Variants in MEOX2 observed in about 807,000 individuals in gnomAD.
MEOX2 encodes mesenchyme homeobox 2.
In MEOX2, 11 loss-of-function variants were observed where a neutral mutation model predicts 27.0. The observed-to-expected ratio is 0.41, with a 90% CI of 0.26 to 0.68. The LOEUF is 0.68. MEOX2 is among the 30% of genes least tolerant of loss of function. The pLI is 0.33. For synonymous variants in MEOX2, 189 were observed against 155.4 expected (o/e 1.22, Z -1.61); for missense variants, 436 against 385.4 (o/e 1.13, Z -1.10).
At chr7:15,680,746 A>T (rs926705766) in intron 1 of MEOX2, 1 of 151,960 alleles carries the variant, frequency 6.6e-6, no homozygotes, top group Non-Finnish European at 1.5e-5. Flanking sequence ...ATGTAGAAAC[A>T]AATTGTGACT....
intron 2 of MEOX2, among the ~76,000 whole-genome samples, chr7:15,622,133 A>T (rs1781231493): frequency 6.6e-6 from 1 of 152,066 alleles, no homozygotes; most frequent in Non-Finnish European, 1.5e-5. Flanking sequence ...CAAACACACA[A>T]ACAAAAGCAA....
At chr7:15,622,929 T>G (rs1781243204) in intron 2 of MEOX2, among the ~76,000 whole-genome samples, 2 of 152,194 alleles carry the variant, frequency 1.3e-5, no homozygotes. Context: ...AGCCATCATA[T>G]CAAGGTAGAA....
chr7:15,632,501 A>T (rs1583752361), intron 1 of MEOX2, among the ~76,000 whole-genome samples: 1 of 152,022 alleles, frequency 6.6e-6, no homozygotes, highest in South Asian at 2.1e-4. Context: ...GTACAAATTC[A>T]CAAAGAACTA....
chr7:15,614,000 TC>T (rs1329618770), intron 2 of MEOX2, among the ~76,000 whole-genome samples: 2 of 151,836 alleles, frequency 1.3e-5, no homozygotes, highest in African/African-American at 4.8e-5. Flanking sequence ...TCTTAGAGTG[TC>T]TTTTGATGAT....
rs1464677938 is a variant in MEOX2 at position 15,685,987 on chromosome 7, G to C, written c.416C>G (p.Pro139Arg). 17 of 1,609,898 alleles carry C rather than the reference G, an allele frequency of 1.1e-5. No homozygotes were observed. In the Admixed American group the frequency reaches 2.5e-4, roughly 24 times the overall value. ...CCCCGGCGCGCACGCGGCCCCAGTC[G>C]GGGTGCTGGAGCCCAAGCTGGAAGA... Reference protein sequence around the residue: ...SNSSSLGSSTPTGAACAPGDY... With the variant: ...SNSSSLGSSTRTGAACAPGDY... The change falls in exon 1 of 3, where the codon CCG becomes CGG. Residue 139 changes from proline (P) to arginine (R), a missense_variant. By Grantham distance (103) the Pro-to-Arg change is moderately radical. Transcript: ENST00000262041.
Position 15,686,670 on chromosome 7 carries a change from A to T in MEOX2, c.-268T>A, listed in dbSNP as rs1428303741. Reference sequence around the variant, plus strand: ...GTTGAAGCCAAAAGAAGGTGGTCCCAGAGAACTGCTTTCAGGGGGAAATGG... The same window carrying T: ...GTTGAAGCCAAAAGAAGGTGGTCCCTGAGAACTGCTTTCAGGGGGAAATGG... On this transcript the variant is annotated 5_prime_UTR_variant, in exon 1 of 3. Coordinates refer to ENST00000262041, the MANE Select transcript of MEOX2 (RefSeq NM_005924.5). 1 of 492,338 alleles carries T rather than the reference A, an allele frequency of 2.0e-6. No homozygotes were observed. Among genetic ancestry groups the T allele is most frequent in the Non-Finnish European group, 3.6e-6 (1 of 279,448 alleles). 30.5% of individuals were successfully genotyped at this position (492,338 alleles called of 1,614,324 possible).
chr7:15,682,199 A>G (rs1182340409), intron 1 of MEOX2, among the ~76,000 whole-genome samples: 4 of 151,792 alleles, frequency 2.6e-5, no homozygotes, highest in African/African-American at 9.7e-5. Flanking sequence ...CCAGTATATT[A>G]TTTTTTAAAT....
intron 1 of MEOX2, among the ~76,000 whole-genome samples, chr7:15,663,813 C>T (rs960821495): frequency 2.6e-5 from 4 of 152,032 alleles, no homozygotes; most frequent in Admixed American, 6.6e-5. Flanking sequence ...AATCATAGCT[C>T]GTAGTAATAG....
rs374494514 is a variant in MEOX2, at chr7:15,638,874, A to T, written c.518-11956T>A. Among the ~76,000 whole-genome samples, 13 of 152,190 alleles carry T rather than the reference A, an allele frequency of 8.5e-5. 1 individual carries two copies. The highest frequency in any genetic ancestry group is 3.1e-4 in the African/African-American group (13 of 41,556). ...ATATATATCACAATTTCTTTACGCG[A>T]TCAACTGTTGATGGACATTTAGGTT... On this transcript the variant is annotated intron_variant, in intron 1 of 2. Transcript: ENST00000262041.
intron 1 of MEOX2, among the ~76,000 whole-genome samples, chr7:15,652,465 A>T (rs1181398149): frequency 6.6e-6 from 1 of 152,088 alleles, no homozygotes; most frequent in Non-Finnish European, 1.5e-5. Context: ...GAAAGCAGCA[A>T]TAACACTGCC....
At chr7:15,652,255 G>A (rs959649572) in intron 1 of MEOX2, among the ~76,000 whole-genome samples, 1 of 152,014 alleles carries the variant, frequency 6.6e-6, no homozygotes, top group African/African-American at 2.4e-5. Context: ...ATTTTGAGAT[G>A]CCTCTTTAGA....
chr7:15,641,990 G>T (rs2115371261), intron 1 of MEOX2, among the ~76,000 whole-genome samples: 1 of 152,244 alleles, frequency 6.6e-6, no homozygotes, highest in East Asian at 1.9e-4. Flanking sequence ...CTGTTAGTCT[G>T]ATGAGATTGC....
intron 1 of MEOX2, chr7:15,679,801 GT>G (rs1782263457): frequency 6.6e-6 from 1 of 151,732 alleles, no homozygotes; most frequent in Non-Finnish European, 1.5e-5. Context: ...TTTTGAAAGG[GT>G]TTTTCTATCT....
intron 1 of MEOX2, among the ~76,000 whole-genome samples, chr7:15,645,425 C>T (rs2049531490): frequency 6.6e-6 from 1 of 152,118 alleles, no homozygotes; most frequent in Admixed American, 6.5e-5. Context: ...CCTTTTATAT[C>T]CAAATACCGA....
At chr7:15,675,304 TG>T (rs1782174869) in intron 1 of MEOX2, among the ~76,000 whole-genome samples, 1 of 152,214 alleles carries the variant, frequency 6.6e-6, no homozygotes, top group Non-Finnish European at 1.5e-5. Flanking sequence ...AGTTGATCAC[TG>T]TTTACATTCA....
intron 1 of MEOX2, among the ~76,000 whole-genome samples, chr7:15,678,141 G>A (rs1469618786): frequency 6.6e-6 from 1 of 152,066 alleles, no homozygotes. Context: ...TCTACATTCT[G>A]TCTAGTTTAA....
chr7:15,666,870 C>G (rs755415903), intron 1 of MEOX2, among the ~76,000 whole-genome samples: 1 of 145,422 alleles, frequency 6.9e-6, no homozygotes, highest in Non-Finnish European at 1.5e-5. Context: ...GCACAGGATT[C>G]CAGGAACCCA....
chr7:15,656,239 T>C (rs1781818213), intron 1 of MEOX2, among the ~76,000 whole-genome samples: 1 of 151,860 alleles, frequency 6.6e-6, no homozygotes, highest in Admixed American at 6.6e-5. Context: ...CCTAGATTTA[T>C]GATTGTATTT....
intron 1 of MEOX2, among the ~76,000 whole-genome samples, chr7:15,673,763 A>G (rs759386708): frequency 6.6e-6 from 1 of 152,164 alleles, no homozygotes. Flanking sequence ...TTCGATAGTA[A>G]GGCATAACAT....
Sources: allele counts gnomAD v4.1 joint callset (sites outside exome capture counted in the v4.1 genomes callset), GRCh38; gene constraint gnomAD v4.1.1; transcripts MANE v1.5; gene names NCBI Gene and HGNC (gene_info 2026-07-23, HGNC 2026-07-21).